ZNF99: variants seen among roughly 807,000 people sequenced by gnomAD.
ZNF99 encodes zinc finger protein 99.
In ZNF99, 8 loss-of-function variants were observed where a neutral mutation model predicts 12.8. The ratio of observed to expected loss-of-function variants is 0.62; its 90% CI spans 0.37 to 1.13. ZNF99 has a LOEUF of 1.13. ZNF99 is among the 50% of genes most tolerant of loss of function. ZNF99 has a pLI of 0.02. For synonymous variants in ZNF99, 318 were observed against 319.0 expected (o/e 1.00, Z 0.03); for missense variants, 1,007 against 1,006.2 (o/e 1.00, Z -0.01).
chr19:22,778,283 C>T (rs750735248), intron 1 of ZNF99, among the ~76,000 whole-genome samples: 7 of 152,064 alleles, frequency 4.6e-5, no homozygotes, highest in Non-Finnish European at 7.4e-5. Context: ...TACAGAAAAG[C>T]AGAGCCTCCC....
intron 1 of ZNF99, chr19:22,769,836 G>A (rs1915756563): frequency 1.5e-6 from 2 of 1,294,352 alleles, no homozygotes; most frequent in Admixed American, 2.9e-5. Flanking sequence ...AAAAAGAATG[G>A]CAGAAGATCC....
At position 22,763,213 on chromosome 19, in the gene ZNF99, T is replaced by C. The variant is rs558282560; in HGVS notation, c.227-3531A>G. On this transcript the variant is annotated intron_variant, in intron 3 of 3. Coordinates refer to ENST00000596209, the MANE Select transcript of ZNF99 (RefSeq NM_001080409.3). ...TAAAGCTGTCACTGTTTGCGGATGATATGATTGTTTACTTTGAAAACCCTA... is the reference window on the plus strand; with the variant it reads ...TAAAGCTGTCACTGTTTGCGGATGACATGATTGTTTACTTTGAAAACCCTA... Among the ~76,000 whole-genome samples the C allele has an allele frequency of 8.5e-5, 13 of 152,322 alleles. No homozygotes were observed. The South Asian group carries it at 2.7e-3, about 32-fold the overall frequency.
At chr19:22,771,875 G>A (rs1205640606) in intron 1 of ZNF99, among the ~76,000 whole-genome samples, 34 of 139,636 alleles carry the variant, frequency 2.4e-4, no homozygotes, top group Non-Finnish European at 3.1e-4. Context: ...GTGCCACCAC[G>A]CCCGGCTAAT....
In ZNF99 at chr19:22,757,707, T is replaced by C; in HGVS notation, c.2202A>G (p.Lys734=). The part of the protein sequence containing the change: ...EIIHTGEKPY[K]CEECGKAFKW... The stretch of plus-strand genomic sequence containing the variant: ...TAAAAGCTTTACCACATTCTTCACA[T>C]TTGTAGGGTTTCTCTCCAGTATGAA... The change falls in exon 4 of 4, where the codon AAA becomes AAG. Residue 734 remains lysine (K), a synonymous_variant. Transcript: ENST00000596209. 2 of 1,612,172 alleles carry C rather than the reference T, an allele frequency of 1.2e-6. No homozygotes were observed. Among genetic ancestry groups the C allele is most frequent in the Non-Finnish European group, 1.7e-6 (2 of 1,179,692 alleles).
rs1416757061 is a variant in ZNF99 at position 22,753,625 on chromosome 19, T to A, written c.*3689A>T. 1 of 153,814 alleles carries A rather than the reference T, an allele frequency of 6.5e-6. No individual in the cohort carries two copies. Among genetic ancestry groups the A allele is most frequent in the East Asian group, 1.9e-4 (1 of 5,302 alleles). 9.5% of individuals were successfully genotyped at this position (153,814 alleles called of 1,614,324 possible). A position where few individuals can be genotyped will look rare whatever the true frequency, so the allele number is the denominator to read the frequency against. The stretch of plus-strand genomic sequence containing the variant: ...ACTACAACCGTCTTTATATTTGTAA[T>A]GTTTGTCATCAAAAGAAATACTCTT... On this transcript the variant is annotated 3_prime_UTR_variant, in exon 4 of 4. Transcript: ENST00000596209.
chr19:22,755,947 T>C lies in ZNF99; in HGVS notation c.*1367A>G. 2.3e-6 allele frequency: 1 copy of C among 443,228 alleles called. No individual in the cohort carries two copies. Among genetic ancestry groups the C allele is most frequent in the Non-Finnish European group, 4.2e-6 (1 of 240,490 alleles). 27.5% of individuals were successfully genotyped at this position (443,228 alleles called of 1,614,324 possible). A position where few individuals can be genotyped will look rare whatever the true frequency, so the allele number is the denominator to read the frequency against. ...GTTAAAAGCTTTGTCACCTTTATTA[T>C]ATTTGTAGGGTTTTCCTCCAGTATC... is the stretch of plus-strand genomic sequence containing the variant. On this transcript the variant is annotated 3_prime_UTR_variant, in exon 4 of 4. Transcript: ENST00000596209.
At chr19:22,761,194 T>G (rs1973147397) in intron 3 of ZNF99, among the ~76,000 whole-genome samples, 1 of 152,052 alleles carries the variant, frequency 6.6e-6, no homozygotes, top group Admixed American at 6.6e-5. Context: ...ATAAGAGACA[T>G]AGGAACACAG....
intron 1 of ZNF99, among the ~76,000 whole-genome samples, chr19:22,771,671 T>C (rs1973272029): frequency 6.7e-6 from 1 of 150,306 alleles, no homozygotes; most frequent in Non-Finnish European, 1.5e-5. Context: ...AATAGGAATC[T>C]TGAGTATCCA....
intron 1 of ZNF99, among the ~76,000 whole-genome samples, chr19:22,781,313 A>G (rs1180704399): frequency 2.6e-5 from 4 of 151,696 alleles, no homozygotes; most frequent in Non-Finnish European, 5.9e-5. Flanking sequence ...TAAGTGCCCA[A>G]TAACTCCTTC....
chr19:22,777,619 G>A (rs375917120), intron 1 of ZNF99, among the ~76,000 whole-genome samples: 5 of 152,136 alleles, frequency 3.3e-5, no homozygotes, highest in African/African-American at 4.8e-5. Flanking sequence ...GCCCAGGTAC[G>A]GCTCTACTCT....
Position 22,753,608 on chromosome 19 carries a change from C to T in ZNF99, c.*3706G>A, listed in dbSNP as rs1326782916. On this transcript the variant is annotated 3_prime_UTR_variant, in exon 4 of 4. Coordinates refer to ENST00000596209, the MANE Select transcript of ZNF99 (RefSeq NM_001080409.3). ...TGTGATACAAATATAGTACTACAAC[C>T]GTCTTTATATTTGTAATGTTTGTCA... The T allele has an allele frequency of 1.3e-5, 2 of 153,142 alleles. No individual in the cohort carries two copies. The highest frequency in any genetic ancestry group is 2.9e-5 in the Non-Finnish European group (2 of 68,774). 9.5% of individuals were successfully genotyped at this position (153,142 alleles called of 1,614,324 possible).
At position 22,759,008 on chromosome 19, in the gene ZNF99, T is replaced by A. The variant is rs1235381811; in HGVS notation, c.901A>T (p.Thr301Ser). ...GKAFKQSSHL[T>S]RHKAIHTGEK... The stretch of plus-strand genomic sequence containing the variant: ...CCAGTATGAATTGCTTTATGTCTAG[T>A]AAGGTGTGAGGATTGCTTAAAAGCT... Residue 301 changes from threonine to serine, a missense_variant, in exon 4 of 4, where the codon ACT (threonine) becomes TCT (serine). Thr to Ser is a moderately conservative substitution (Grantham distance 58). Transcript: ENST00000596209. 1 of 1,613,832 alleles carries A rather than the reference T, an allele frequency of 6.2e-7. No individual in the cohort carries two copies. The highest frequency in any genetic ancestry group is 2.2e-5 in the East Asian group (1 of 44,842).
chr19:22,777,783 A>T (rs1973345961), intron 1 of ZNF99, among the ~76,000 whole-genome samples: 1 of 152,254 alleles, frequency 6.6e-6, no homozygotes, highest in Non-Finnish European at 1.5e-5. Context: ...ATTTGGCAGG[A>T]AACACTAGGA....
intron 1 of ZNF99, among the ~76,000 whole-genome samples, chr19:22,780,783 A>C (rs1336998209): frequency 6.6e-6 from 1 of 152,202 alleles, no homozygotes; most frequent in African/African-American, 2.4e-5. Context: ...TCAGATAGCA[A>C]AGTAATAGGA....
At chr19:22,771,522 T>C (rs1973270448) in intron 1 of ZNF99, among the ~76,000 whole-genome samples, 2 of 151,918 alleles carry the variant, frequency 1.3e-5, no homozygotes, top group Non-Finnish European at 2.9e-5. Flanking sequence ...CCCAAAGTGC[T>C]GGGATTACAG....
At position 22,755,444 on chromosome 19, in the gene ZNF99, C is replaced by A; in HGVS notation, c.*1870G>T. 3.4e-6 allele frequency: 1 copy of A among 290,626 alleles called. No homozygotes were observed. Among genetic ancestry groups the A allele is most frequent in the East Asian group, 8.8e-5 (1 of 11,322 alleles). The allele number at this position is 290,626 out of a possible 1,614,324, so 18.0% of individuals were successfully genotyped here. On this transcript the variant is annotated 3_prime_UTR_variant, in exon 4 of 4. Transcript: ENST00000596209. ...GACCAGTTAAAAGTTTTGCCACACTCTTCACATGAGGCGGGTTTCTCTCTA... is the reference window on the plus strand; with the variant it reads ...GACCAGTTAAAAGTTTTGCCACACTATTCACATGAGGCGGGTTTCTCTCTA...
intron 1 of ZNF99, chr19:22,770,547 G>A (rs1973256713): frequency 6.6e-6 from 1 of 152,316 alleles, no homozygotes; most frequent in Non-Finnish European, 1.5e-5. Flanking sequence ...AGTAGAGACA[G>A]GGTTTCACCA....
At chr19:22,763,632 T>A (rs1206045906) in intron 3 of ZNF99, among the ~76,000 whole-genome samples, 2 of 151,952 alleles carry the variant, frequency 1.3e-5, no homozygotes, top group African/African-American at 4.8e-5. Flanking sequence ...AAAATTATTC[T>A]AAAATCCATA....
chr19:22,769,760 CAA>C (rs376034686), intron 1 of ZNF99, among the ~76,000 whole-genome samples: 2 of 84,986 alleles, frequency 2.4e-5, no homozygotes, highest in African/African-American at 4.7e-5. Context: ...GACTCTGTCT[CAA>C]AAAAAAAAAA....
Sources: allele counts gnomAD v4.1 joint callset (sites outside exome capture counted in the v4.1 genomes callset), GRCh38; gene constraint gnomAD v4.1.1; transcripts MANE v1.5; gene names NCBI Gene and HGNC (gene_info 2026-07-23, HGNC 2026-07-21).